The following CCDC88A variants were observed in gnomAD, a reference collection of about 807,000 sequenced individuals.
CCDC88A encodes the protein girdin.
Under a neutral mutation model 234.3 loss-of-function variants are expected in CCDC88A, and 54 were observed. The ratio of observed to expected loss-of-function variants is 0.23; its 90% CI spans 0.19 to 0.29. CCDC88A has a LOEUF of 0.29. Among genes scored for constraint, CCDC88A ranks in the 10% least tolerant of loss-of-function variants. The pLI, the probability that CCDC88A is intolerant of heterozygous loss-of-function variation, is 1.00. For missense variants in CCDC88A, 1,832 were observed against 2,123.4 expected (o/e 0.86, Z 2.70); for synonymous variants, 753 against 737.8 (o/e 1.02, Z -0.33).
intron 5 of CCDC88A, among the ~76,000 whole-genome samples, chr2:55,367,525 C>CTTTTTTTTTTTTTT (rs1262914627): frequency 8.9e-5 from 3 of 33,620 alleles, no homozygotes; most frequent in African/African-American, 4.9e-4. Context: ...GTTTTATTTC[C>CTTTTTTTTTTTTTT]TTGTTTTTTT....
chr2:55,324,684 C>T (rs894683641), intron 17 of CCDC88A, among the ~76,000 whole-genome samples: 4 of 151,654 alleles, frequency 2.6e-5, no homozygotes, highest in South Asian at 2.1e-4. Flanking sequence ...CTCGCTCTGT[C>T]GCCCAGGCTG....
intron 2 of CCDC88A, chr2:55,399,821 G>C (rs1678304082): frequency 6.9e-6 from 1 of 145,598 alleles, no homozygotes; most frequent in Non-Finnish European, 1.5e-5. Flanking sequence ...GTGAGACTAA[G>C]CATAAACCAT....
Position 55,334,441 on chromosome 2 carries a change from G to C in CCDC88A, c.2380C>G (p.Gln794Glu), listed in dbSNP as rs1685257916. The change falls in exon 15 of 33, where the codon CAA (glutamine) becomes GAA (glutamate). Residue 794 changes from glutamine (Q) to glutamate (E), a missense_variant. Coordinates refer to ENST00000436346, the MANE Select transcript of CCDC88A (RefSeq NM_001365480.1). This position sits in a 1 kb window ranked among gnomAD's most constrained non-coding sequence, Gnocchi z 6.1. ...SELQDLEMEN[Q>E]TLQKNLEELK... ...TCTTCTAGGTTTTTCTGCAATGTTT[G>C]ATTTTCCATCTCTAAGTCTTGTAGT... The C allele has an allele frequency of 6.3e-7, 1 of 1,582,400 alleles. No homozygotes were observed. Among genetic ancestry groups the C allele is most frequent in the Non-Finnish European group, 8.5e-7 (1 of 1,171,326 alleles).
intron 4 of CCDC88A, among the ~76,000 whole-genome samples, chr2:55,373,561 C>T (rs1298314026): frequency 1.3e-5 from 2 of 152,048 alleles, no homozygotes; most frequent in Non-Finnish European, 2.9e-5. Context: ...ACATGATTTC[C>T]CCATAATCTG....
intron 12 of CCDC88A, 79 bp downstream of exon 12, chr2:55,343,569 G>A (rs997808786): frequency 1.8e-6 from 2 of 1,115,122 alleles, no homozygotes; most frequent in Non-Finnish European, 2.6e-6. Context: ...TCCCACTGCG[G>A]AAAATAAAGA....
rs189936479 is a variant in CCDC88A, at chr2:55,364,210, T to A, written c.403-177A>T. On this transcript the variant is annotated intron_variant, in intron 5 of 32. Coordinates refer to ENST00000436346, the MANE Select transcript of CCDC88A (RefSeq NM_001365480.1). ...ATAAACAACAATTTAGAAATAATTATTTTAAAAAGCAAGGCACTGAAAATC... is the reference window on the plus strand; with the variant it reads ...ATAAACAACAATTTAGAAATAATTAATTTAAAAAGCAAGGCACTGAAAATC... 5.4e-5 allele frequency: 24 copies of A among 442,774 alleles called. No individual in the cohort carries two copies. The Middle Eastern group carries it at 1.8e-3, about 34-fold the overall frequency. 27.4% of individuals were successfully genotyped at this position (442,774 alleles called of 1,614,324 possible).
intron 4 of CCDC88A, among the ~76,000 whole-genome samples, chr2:55,373,126 T>C (rs975319004): frequency 6.6e-6 from 1 of 152,206 alleles, no homozygotes; most frequent in Non-Finnish European, 1.5e-5. Flanking sequence ...TAAGATTTTC[T>C]TAAAATATTC....
intron 15 of CCDC88A, among the ~76,000 whole-genome samples, chr2:55,333,885 C>T (rs565261133): frequency 3.1e-4 from 47 of 152,006 alleles, no homozygotes; most frequent in African/African-American, 1.1e-3. Context: ...AACTTTATTA[C>T]TACAAATTCT....
At chr2:55,388,605 A>T (rs1676099147) in intron 3 of CCDC88A, 173 bp downstream of exon 3, 1 of 379,456 alleles carries the variant, frequency 2.6e-6, no homozygotes, top group East Asian at 4.6e-5. Flanking sequence ...ATGCTTGCTT[A>T]AGCCTTTAAC....
At chr2:55,415,081 G>C (rs1202223257) in intron 2 of CCDC88A, among the ~76,000 whole-genome samples, 1 of 132,796 alleles carries the variant, frequency 7.5e-6, no homozygotes, top group Admixed American at 7.7e-5. Context: ...AAAAAAAAAA[G>C]GTTCCTATAA....
intron 18 of CCDC88A, among the ~76,000 whole-genome samples, chr2:55,321,669 G>T (rs984176389): frequency 4.6e-5 from 7 of 152,060 alleles, no homozygotes; most frequent in Admixed American, 4.6e-4. Flanking sequence ...ATATACATCT[G>T]CTAAAATTGA....
In CCDC88A at chr2:55,318,986, C is replaced by G; in HGVS notation, c.3181G>C (p.Glu1061Gln). Reference protein sequence around the residue: ...VERNNATLQAEKQALKTQLKQ... With the variant: ...VERNNATLQAQKQALKTQLKQ... ...AGTTGAGTTTTCAACGCTTGCTTCT[C>G]TGCTTGCAGTGTAGCATTCTTGAAA... is the stretch of plus-strand genomic sequence containing the variant. The change falls in exon 19 of 33, where the codon GAG becomes CAG. Residue 1061 changes from glutamate to glutamine, a missense_variant. This residue lies in a region of CCDC88A where 1,282 missense variants were observed against 1,543.6 expected (regional missense o/e 0.83). Transcript: ENST00000436346. The G allele has an allele frequency of 6.2e-7, 1 of 1,613,022 alleles. No homozygotes were observed. Among genetic ancestry groups the G allele is most frequent in the Non-Finnish European group, 8.5e-7 (1 of 1,179,388 alleles).
intron 2 of CCDC88A, among the ~76,000 whole-genome samples, chr2:55,411,560 C>T (rs574259155): frequency 2.6e-5 from 4 of 151,570 alleles, no homozygotes; most frequent in Non-Finnish European, 4.4e-5. Context: ...GGACAGATCA[C>T]TTGAGGTCAG....
At chr2:55,357,489 A>C (rs188076565) in intron 7 of CCDC88A, among the ~76,000 whole-genome samples, 1 of 151,638 alleles carries the variant, frequency 6.6e-6, no homozygotes, top group East Asian at 1.9e-4. Context: ...CTATTCCTCC[A>C]TTCCCCTAAT....
chr2:55,415,474 A>G (rs917788853), intron 2 of CCDC88A, among the ~76,000 whole-genome samples: 21 of 152,206 alleles, frequency 1.4e-4, no homozygotes, highest in African/African-American at 4.8e-4. Flanking sequence ...GATGGGAAAC[A>G]AGCATGAATC....
intron 5 of CCDC88A, 48 bp from the exon 6 acceptor site, chr2:55,364,081 C>A: frequency 3.4e-6 from 3 of 894,194 alleles, no homozygotes; most frequent in South Asian, 1.6e-5. Context: ...AGGGTATGGT[C>A]CTTAAAATGT....
intron 4 of CCDC88A, 21 bp downstream of exon 4, chr2:55,374,793 C>T (rs773164263): frequency 1.1e-5 from 16 of 1,492,322 alleles, no homozygotes; most frequent in South Asian, 3.5e-5. Flanking sequence ...ATTACTTTCA[C>T]AGCTTAATTT....
At chr2:55,342,240 T>C (rs192551846) in intron 12 of CCDC88A, among the ~76,000 whole-genome samples, 13 of 152,302 alleles carry the variant, frequency 8.5e-5, no homozygotes, top group East Asian at 3.9e-4. Flanking sequence ...TTCCTTTTTT[T>C]CCCAAATTCT....
chr2:55,296,297 T>C lies in CCDC88A; in HGVS notation c.5052A>G (p.Gln1684=). 1.9e-6 allele frequency: 3 copies of C among 1,614,232 alleles called. No individual in the cohort carries two copies. The highest frequency in any genetic ancestry group is 1.3e-5 in the African/African-American group (1 of 75,070). Residue 1684 remains glutamine (Q), a synonymous_variant, in exon 30 of 33, where the codon CAA becomes CAG. Coordinates refer to ENST00000436346, the MANE Select transcript of CCDC88A (RefSeq NM_001365480.1). The part of the protein sequence containing the change: ...GSPGSEVVTL[Q]QFLEESNKLT... ...GCTTATTGCTTTCTTCCAAAAACTGTTGTAGAGTAACAACTTCACTTCCAG... is the reference window on the plus strand; with the variant it reads ...GCTTATTGCTTTCTTCCAAAAACTGCTGTAGAGTAACAACTTCACTTCCAG...
Sources: gnomAD v4.1 joint callset for allele counts (sites outside exome capture counted in the v4.1 genomes callset) on GRCh38, gnomAD v4.1.1 for gene constraint, gnomAD v4.1.1 regional missense constraint, Gnocchi (gnomAD v3.1) non-coding constraint, MANE v1.5 for transcripts, NCBI Gene and HGNC (gene_info 2026-07-23, HGNC 2026-07-21) for gene names.